Variants in ROBO1 observed in about 807,000 individuals in gnomAD.
ROBO1 encodes roundabout homolog 1.
Under a neutral mutation model 195.9 loss-of-function variants are expected in ROBO1, and 149 were observed. The ratio of observed to expected loss-of-function variants is 0.76; its 90% confidence interval spans 0.67 to 0.87. The LOEUF is 0.87. Ranked by LOEUF, ROBO1 falls within the 40% of genes least tolerant of loss-of-function variation. The probability of loss-of-function intolerance (pLI) is 0.00; values close to 1 mark genes in which losing one functional copy is unlikely to be tolerated. For synonymous variants in ROBO1, 816 were observed against 733.2 expected, an observed-to-expected ratio of 1.11 and a Z score of -1.82; for missense variants, 1,933 against 2,068.3, an observed-to-expected ratio of 0.93 and a Z score of 1.27.
chr3:79,666,165 T>C (rs966094221), intron 1 of ROBO1, among the ~76,000 whole-genome samples: 1 of 151,936 alleles, frequency 6.6e-6, no homozygotes, highest in Non-Finnish European at 1.5e-5. Context: ...TAATTGAGAA[T>C]GCTCTCTGAG....
chr3:79,723,452 G>C (rs373967099), intron 1 of ROBO1, among the ~76,000 whole-genome samples: 2 of 152,140 alleles, frequency 1.3e-5, no homozygotes, highest in African/African-American at 4.8e-5. Context: ...ATTTGAAGAT[G>C]ATTAGATGCA....
At chr3:79,329,030 C>T (rs2034329266) in intron 2 of ROBO1, among the ~76,000 whole-genome samples, 1 of 152,188 alleles carries the variant, frequency 6.6e-6, no homozygotes, top group Admixed American at 6.5e-5. Context: ...TTGTGAGAAT[C>T]TGCTCTTCAA....
intron 1 of ROBO1, among the ~76,000 whole-genome samples, chr3:79,659,100 C>T (rs77736490): frequency 0.012 from 1,763 of 152,080 alleles, 30 homozygotes; most frequent in African/African-American, 0.04. Context: ...TTTACATCTA[C>T]GTATCATAAT....
intron 2 of ROBO1, among the ~76,000 whole-genome samples, chr3:79,436,999 T>C (rs182758677): frequency 6.6e-6 from 1 of 152,224 alleles, no homozygotes; most frequent in East Asian, 1.9e-4. Flanking sequence ...GGATTCTTGA[T>C]TGTTGCCTTT....
At chr3:78,615,598 C>T (rs1375524920) in intron 27 of ROBO1, among the ~76,000 whole-genome samples, 1 of 152,166 alleles carries the variant, frequency 6.6e-6, no homozygotes, top group East Asian at 1.9e-4. Context: ...CATATTTAAT[C>T]CATAATCCCA....
At chr3:79,141,511 T>C (rs1366008735) in intron 2 of ROBO1, among the ~76,000 whole-genome samples, 1 of 151,922 alleles carries the variant, frequency 6.6e-6, no homozygotes, top group African/African-American at 2.4e-5. Flanking sequence ...CCCCGATTCA[T>C]TCATTTCCAT....
intron 4 of ROBO1, among the ~76,000 whole-genome samples, chr3:78,764,279 TACA>T (rs1395881821): frequency 6.6e-6 from 1 of 152,124 alleles, no homozygotes; most frequent in Non-Finnish European, 1.5e-5. Context: ...TTCTTCATTG[TACA>T]GAGGGAAAAA....
intron 2 of ROBO1, among the ~76,000 whole-genome samples, chr3:79,212,082 G>C (rs1241924255): frequency 6.6e-6 from 1 of 152,220 alleles, no homozygotes; most frequent in Non-Finnish European, 1.5e-5. Context: ...GGCACAGATC[G>C]CTCCTGCTAT....
At chr3:78,955,377 C>T (rs769988635) in intron 3 of ROBO1, among the ~76,000 whole-genome samples, 23 of 152,054 alleles carry the variant, frequency 1.5e-4, no homozygotes, top group Non-Finnish European at 3.1e-4. Context: ...CTTCACCCTC[C>T]GGTAAACCCC....
chr3:78,962,447 A>G (rs1429997073), intron 3 of ROBO1, among the ~76,000 whole-genome samples: 1 of 152,184 alleles, frequency 6.6e-6, no homozygotes, highest in Non-Finnish European at 1.5e-5. Flanking sequence ...CAGTGAGCTG[A>G]GAGTCAAACT....
chr3:79,023,904 G>A (rs549455432), intron 3 of ROBO1, among the ~76,000 whole-genome samples: 1 of 150,814 alleles, frequency 6.6e-6, no homozygotes, highest in Non-Finnish European at 1.5e-5. Context: ...TAGAGACGGG[G>A]TTTCACTATG....
chr3:78,631,191 CTAT>C lies in ROBO1; in HGVS notation c.3593_3595del (p.Asn1198del). ...ATCTACAGAAATGTTGTACTCTTCGCTATTGCTGTGTGGAGGAGGATGTGCTGG... is the reference window on the plus strand; with the variant it reads ...ATCTACAGAAATGTTGTACTCTTCGCTGCTGTGTGGAGGAGGATGTGCTGG... On this transcript the variant is annotated inframe_deletion, in exon 25 of 31. Coordinates refer to ENST00000464233, the MANE Select transcript of ROBO1 (RefSeq NM_002941.4). 6.2e-7 allele frequency: 1 copy of C among 1,612,570 alleles called. No individual in the cohort carries two copies. The highest frequency in any genetic ancestry group is 8.5e-7 in the Non-Finnish European group (1 of 1,179,254).
At chr3:78,988,593 C>A (rs769259955) in intron 3 of ROBO1, among the ~76,000 whole-genome samples, 1 of 152,136 alleles carries the variant, frequency 6.6e-6, no homozygotes, top group Non-Finnish European at 1.5e-5. Flanking sequence ...AATATTTACA[C>A]AAGTTAGATT....
chr3:78,686,243 C>T (rs770330685), intron 9 of ROBO1, among the ~76,000 whole-genome samples: 8 of 151,948 alleles, frequency 5.3e-5, no homozygotes, highest in Non-Finnish European at 8.8e-5. Context: ...TGTTTTTAAG[C>T]AATATTAGAT....
intron 2 of ROBO1, among the ~76,000 whole-genome samples, chr3:79,562,585 A>G (rs1374693185): frequency 1.3e-5 from 2 of 152,074 alleles, no homozygotes; most frequent in African/African-American, 4.8e-5. Flanking sequence ...TGAAGACTAG[A>G]GAAATGTTTT....
intron 2 of ROBO1, among the ~76,000 whole-genome samples, chr3:79,280,350 C>A (rs1175358920): frequency 9.9e-5 from 15 of 151,904 alleles, no homozygotes. Context: ...AGAATATGTA[C>A]AATTATTATT....
intron 5 of ROBO1, among the ~76,000 whole-genome samples, chr3:78,737,241 C>T (rs1011934027): frequency 7.2e-5 from 11 of 152,250 alleles, no homozygotes; most frequent in Non-Finnish European, 1.2e-4. Context: ...GATAGAAGTA[C>T]AGGCAGAGGA....
At chr3:79,726,233 A>G (rs1702919620) in intron 1 of ROBO1, among the ~76,000 whole-genome samples, 3 of 152,176 alleles carry the variant, frequency 2.0e-5, no homozygotes, top group Non-Finnish European at 2.9e-5. Flanking sequence ...CTCTCCCAGG[A>G]CACCAGTTGT....
intron 1 of ROBO1, among the ~76,000 whole-genome samples, chr3:79,762,497 C>T (rs980850375): frequency 7.6e-6 from 1 of 130,738 alleles, no homozygotes; most frequent in Non-Finnish European, 1.8e-5. Flanking sequence ...AATACTTAAA[C>T]CTATTTTCTT....
Sources: allele counts gnomAD v4.1 joint callset (sites outside exome capture counted in the v4.1 genomes callset), GRCh38; gene constraint gnomAD v4.1.1; transcripts MANE v1.5; gene names NCBI Gene and HGNC (gene_info 2026-07-23, HGNC 2026-07-21).